ZFHX3: variants seen among roughly 807,000 people sequenced by gnomAD.
The protein encoded by ZFHX3 is zinc finger homeobox 3.
In ZFHX3, 42 loss-of-function variants were observed where a neutral mutation model predicts 279.1. The observed-to-expected ratio is 0.15, with a 90% CI of 0.12 to 0.19. ZFHX3 has a LOEUF of 0.19. ZFHX3 is among the 10% of genes least tolerant of loss of function. The pLI, the probability that ZFHX3 is intolerant of heterozygous loss-of-function variation, is 1.00. For synonymous variants in ZFHX3, 2,293 were observed against 1,957.8 expected, an observed-to-expected ratio of 1.17 and a Z score of -4.52; for missense variants, 4,981 against 4,754.0, an observed-to-expected ratio of 1.05 and a Z score of -1.40.
intron 1 of ZFHX3, among the ~76,000 whole-genome samples, chr16:72,996,310 G>A (rs148120231): frequency 9.9e-5 from 15 of 152,182 alleles, no homozygotes; most frequent in East Asian, 1.9e-4. Context: ...TAATTAATTC[G>A]TTCTTTTGCT....
At chr16:73,151,206 G>A (rs549520720) in intron 5 of ZFHX3, among the ~76,000 whole-genome samples, 5 of 152,240 alleles carry the variant, frequency 3.3e-5, no homozygotes, top group East Asian at 1.9e-4. Context: ...TATCTGTATT[G>A]TATATAATTT....
intron 5 of ZFHX3, among the ~76,000 whole-genome samples, chr16:73,155,531 T>C (rs1362594149): frequency 4.6e-5 from 7 of 152,070 alleles, no homozygotes. Flanking sequence ...GATATAATAA[T>C]ATATATGAAG....
rs2035943097 is a variant in ZFHX3, at chr16:72,797,323, G to A, written c.5359C>T (p.Leu1787=). The part of the protein sequence containing the change: ...LPHFPMTTET[L]LQLQQQQHLL... ...TGCTGCTGCTGCTGTAGTTGCAGCA[G>A]GGTCTCAGTTGTCATGGGGAAGTGA... The change falls in exon 9 of 10, where the codon CTG becomes TTG. Residue 1787 remains leucine, a synonymous_variant. Coordinates refer to ENST00000268489, the MANE Select transcript of ZFHX3 (RefSeq NM_006885.4). 2 of 1,603,872 alleles carry A rather than the reference G, an allele frequency of 1.2e-6. No individual in the cohort carries two copies. Among genetic ancestry groups the A allele is most frequent in the African/African-American group, 1.3e-5 (1 of 74,714 alleles).
intron 5 of ZFHX3, among the ~76,000 whole-genome samples, chr16:73,213,234 A>G (rs2012082133): frequency 6.6e-6 from 1 of 152,204 alleles, no homozygotes; most frequent in Non-Finnish European, 1.5e-5. Flanking sequence ...CAGTGTGCCA[A>G]ACAAACAGAA....
chr16:73,850,222 CATTAGTTAT>C (rs1354353032), intron 1 of ZFHX3, among the ~76,000 whole-genome samples: 1 of 152,156 alleles, frequency 6.6e-6, no homozygotes, highest in African/African-American at 2.4e-5. Context: ...ATGACATCTC[CATTAGTTAT>C]TAACCCACAT....
At position 73,588,918 on chromosome 16, in the gene ZFHX3, T is replaced by C. The variant is rs80029191; in HGVS notation, c.-1547+91262A>G. On this transcript the variant is annotated intron_variant, in intron 2 of 17. Coordinates refer to the ZFHX3 transcript ENST00000641206. ...GAGAGACAGAGACAGAGGAGAAACA[T>C]ATAGAACACAAGAGAGCCCAGAGTC... Among the ~76,000 whole-genome samples the C allele has an allele frequency of 3.9e-3, 590 of 151,728 alleles. 5 individuals are homozygous for C. Among genetic ancestry groups the C allele is most frequent in the African/African-American group, 0.014 (573 of 41,354 alleles).
At chr16:72,994,041 C>T (rs1963190367) in intron 1 of ZFHX3, among the ~76,000 whole-genome samples, 1 of 152,194 alleles carries the variant, frequency 6.6e-6, no homozygotes, top group African/African-American at 2.4e-5. Context: ...CTATTAACCT[C>T]TCCCCGCTAC....
intron 1 of ZFHX3, among the ~76,000 whole-genome samples, chr16:72,991,691 T>C (rs1483110692): frequency 6.6e-6 from 1 of 152,220 alleles, no homozygotes; most frequent in African/African-American, 2.4e-5. Context: ...ATTCTCACTT[T>C]TGAGGCTCAG....
chr16:73,839,788 C>G (rs1961251683), intron 1 of ZFHX3, among the ~76,000 whole-genome samples: 1 of 152,236 alleles, frequency 6.6e-6, no homozygotes, highest in Non-Finnish European at 1.5e-5. Flanking sequence ...CTGCTGCCCT[C>G]CGACATGGGA....
intron 5 of ZFHX3, among the ~76,000 whole-genome samples, chr16:73,245,192 G>C (rs912908795): frequency 6.6e-6 from 1 of 152,198 alleles, no homozygotes; most frequent in African/African-American, 2.4e-5. Context: ...TTACTCATCT[G>C]TCTCCTCTTG....
intron 2 of ZFHX3, among the ~76,000 whole-genome samples, chr16:73,677,255 A>G (rs1223695692): frequency 1.3e-5 from 2 of 151,946 alleles, no homozygotes; most frequent in Admixed American, 6.6e-5. Flanking sequence ...AAAATCAACC[A>G]CTTTAAAATT....
At chr16:72,947,360 C>A (rs1960735500) in intron 3 of ZFHX3, among the ~76,000 whole-genome samples, 2 of 152,192 alleles carry the variant, frequency 1.3e-5, no homozygotes, top group African/African-American at 4.8e-5. Context: ...TTAGCACAAC[C>A]CTCTCTCATT....
intron 1 of ZFHX3, among the ~76,000 whole-genome samples, chr16:73,740,676 A>C: frequency 6.6e-6 from 1 of 152,230 alleles, no homozygotes; most frequent in East Asian, 1.9e-4. Flanking sequence ...CTTAAAGACT[A>C]AACAACACAT....
chr16:72,993,633 C>CT (rs1182243086), intron 1 of ZFHX3, among the ~76,000 whole-genome samples: 1 of 152,134 alleles, frequency 6.6e-6, no homozygotes, highest in Non-Finnish European at 1.5e-5. Context: ...TAAGAAAACC[C>CT]TTTATTTTTC....
intron 3 of ZFHX3, among the ~76,000 whole-genome samples, chr16:73,454,574 C>CAA (rs11417738): frequency 0.063 from 8,635 of 137,272 alleles, 328 homozygotes; most frequent in East Asian, 0.18. Context: ...CCAAATTTCT[C>CAA]AAAAAAAAAA....
chr16:72,867,354 C>T (rs1044180320), intron 4 of ZFHX3, among the ~76,000 whole-genome samples: 1 of 152,176 alleles, frequency 6.6e-6, no homozygotes, highest in Non-Finnish European at 1.5e-5. Context: ...GTGCACTTTA[C>T]GCAATGGAGA....
intron 1 of ZFHX3, among the ~76,000 whole-genome samples, chr16:73,006,818 A>G (rs1963720670): frequency 6.6e-6 from 1 of 152,204 alleles, no homozygotes; most frequent in Non-Finnish European, 1.5e-5. Context: ...ATAAAACAGC[A>G]TAATATGCAC....
chr16:73,290,919 CAT>C (rs1408341507), intron 4 of ZFHX3, among the ~76,000 whole-genome samples: 9 of 152,168 alleles, frequency 5.9e-5, no homozygotes, highest in Non-Finnish European at 4.4e-5. Context: ...AAATGCAGAA[CAT>C]AGAGAACTAG....
At chr16:73,469,361 G>C (rs142256957) in intron 2 of ZFHX3, among the ~76,000 whole-genome samples, 1 of 152,286 alleles carries the variant, frequency 6.6e-6, no homozygotes, top group East Asian at 1.9e-4. Flanking sequence ...GGCTCTTGGA[G>C]GATGATGAAC....
Sources: allele counts gnomAD v4.1 joint callset (sites outside exome capture counted in the v4.1 genomes callset), GRCh38; gene constraint gnomAD v4.1.1; transcripts MANE v1.5; gene names NCBI Gene and HGNC (gene_info 2026-07-23, HGNC 2026-07-21).